Variants in CNTN4 observed in about 807,000 individuals in gnomAD.
CNTN4 encodes contactin 4.
In CNTN4, 77 loss-of-function variants were observed where a neutral mutation model predicts 122.5. The observed-to-expected ratio is 0.63, with a 90% CI of 0.52 to 0.76. The LOEUF (loss-of-function observed/expected upper bound fraction) is 0.76, where lower values mean the gene tolerates loss of function less well. Ranked by LOEUF, CNTN4 falls within the 30% of genes least tolerant of loss-of-function variation. The pLI is 0.00. For missense variants in CNTN4, 1,256 were observed against 1,259.1 expected (o/e 1.00, Z 0.04); for synonymous variants, 512 against 447.0 (o/e 1.15, Z -1.83).
intron 13 of CNTN4, among the ~76,000 whole-genome samples, chr3:2,928,614 T>G (rs1243652042): frequency 6.6e-6 from 1 of 152,208 alleles, no homozygotes; most frequent in Admixed American, 6.5e-5. Flanking sequence ...AAGGCAAGTC[T>G]TTAACCTTTG....
At chr3:2,612,171 G>A (rs183484955) in intron 4 of CNTN4, among the ~76,000 whole-genome samples, 106 of 151,502 alleles carry the variant, frequency 7.0e-4, no homozygotes, top group African/African-American at 2.4e-3. Context: ...ACTTACAATA[G>A]GGTTACATCC....
intron 13 of CNTN4, among the ~76,000 whole-genome samples, chr3:2,946,925 C>G (rs2094685230): frequency 6.6e-6 from 1 of 152,014 alleles, no homozygotes; most frequent in Non-Finnish European, 1.5e-5. Flanking sequence ...AGGCTGGTCT[C>G]AAACTCCCGG....
chr3:2,913,324 A>T (rs1472404334), intron 12 of CNTN4, among the ~76,000 whole-genome samples: 1 of 152,230 alleles, frequency 6.6e-6, no homozygotes, highest in Non-Finnish European at 1.5e-5. Flanking sequence ...AATTATTTTA[A>T]ACATAAATTG....
chr3:3,009,001 T>C, intron 14 of CNTN4: 3 of 985,364 alleles, frequency 3.0e-6, no homozygotes, highest in Non-Finnish European at 3.6e-6. Context: ...AGCGTCTTTC[T>C]TGGTATGATC....
intron 4 of CNTN4, among the ~76,000 whole-genome samples, chr3:2,725,077 A>G (rs754512384): frequency 5.3e-5 from 8 of 152,214 alleles, no homozygotes; most frequent in African/African-American, 1.2e-4. Flanking sequence ...ATATATCCCT[A>G]TGAGCATGGA....
intron 3 of CNTN4, among the ~76,000 whole-genome samples, chr3:2,533,893 C>A (rs1417851532): frequency 2.0e-5 from 3 of 151,760 alleles, no homozygotes; most frequent in South Asian, 2.1e-4. Context: ...TGTCTGTTGG[C>A]TGCACAAATG....
chr3:2,124,473 C>CA (rs1553570119), intron 2 of CNTN4, among the ~76,000 whole-genome samples: 21,807 of 147,094 alleles, frequency 0.15, 1,813 homozygotes, highest in South Asian at 0.36. Flanking sequence ...CACACACACA[C>CA]CCCCTTAAGC....
At position 2,149,272 on chromosome 3, in the gene CNTN4, C is replaced by T. The variant is rs182772611; in HGVS notation, c.-145+48633C>T. On this transcript the variant is annotated intron_variant, in intron 2 of 24. Transcript: ENST00000418658. ...ATATTGTAGAAATCCCGTGACCATACGCAGTGGTTTTTATTTTGTTCTAAG... is the reference window on the plus strand; with the variant it reads ...ATATTGTAGAAATCCCGTGACCATATGCAGTGGTTTTTATTTTGTTCTAAG... Among the ~76,000 whole-genome samples the T allele has an allele frequency of 1.9e-3, 283 of 152,210 alleles. 1 individual carries two copies. The highest frequency in any genetic ancestry group is 6.6e-3 in the African/African-American group (273 of 41,522).
chr3:2,116,124 C>A (rs1056402024), intron 2 of CNTN4, among the ~76,000 whole-genome samples: 5 of 152,156 alleles, frequency 3.3e-5, no homozygotes, highest in African/African-American at 1.2e-4. Flanking sequence ...ATAGCCATCA[C>A]CACTAAAGTC....
At chr3:2,166,071 A>T (rs183548085) in intron 2 of CNTN4, among the ~76,000 whole-genome samples, 8 of 152,278 alleles carry the variant, frequency 5.3e-5, no homozygotes. Flanking sequence ...TATACCCAGA[A>T]GTGGAATTGC....
chr3:2,616,761 G>A lies in CNTN4; in HGVS notation c.55+45203G>A, dbSNP rs528052958. Among the ~76,000 whole-genome samples, 163 of 152,140 alleles carry A rather than the reference G, an allele frequency of 1.1e-3. 1 individual carries two copies. The highest frequency in any genetic ancestry group is 3.0e-3 in the African/African-American group (123 of 41,506). On this transcript the variant is annotated intron_variant, in intron 4 of 24. Transcript: ENST00000418658. ...AACTATACTACAAAGCTACAGTAAC[G>A]AAAACAGCATGGTACTGGTAGCAAA...
intron 6 of CNTN4, among the ~76,000 whole-genome samples, chr3:2,818,036 A>G (rs2092778158): frequency 6.6e-6 from 1 of 152,144 alleles, no homozygotes; most frequent in East Asian, 1.9e-4. Context: ...TGTGTCCTTC[A>G]TGTTCACTTT....
At chr3:2,317,987 T>C (rs2043163448) in intron 2 of CNTN4, among the ~76,000 whole-genome samples, 1 of 152,210 alleles carries the variant, frequency 6.6e-6, no homozygotes, top group South Asian at 2.1e-4. Context: ...TTTGTATTTC[T>C]TTAGATTTAA....
chr3:2,697,993 A>G (rs552567180), intron 4 of CNTN4, among the ~76,000 whole-genome samples: 13 of 152,304 alleles, frequency 8.5e-5, no homozygotes, highest in African/African-American at 2.6e-4. Flanking sequence ...ACACCTTGTA[A>G]CATTCATCCG....
At chr3:2,804,646 T>C (rs895121884) in intron 6 of CNTN4, among the ~76,000 whole-genome samples, 3 of 152,162 alleles carry the variant, frequency 2.0e-5, no homozygotes, top group African/African-American at 7.2e-5. Context: ...GTGTGAGCAT[T>C]GCTCTTCTAT....
intron 3 of CNTN4, among the ~76,000 whole-genome samples, chr3:2,520,259 C>CT (rs397988483): frequency 0.03 from 2,217 of 74,398 alleles, 316 homozygotes; most frequent in African/African-American, 0.058. Context: ...TGATTGCTTC[C>CT]TTTTTTTTTT....
intron 13 of CNTN4, among the ~76,000 whole-genome samples, chr3:2,941,372 G>T (rs1031232846): frequency 3.0e-4 from 45 of 152,082 alleles, no homozygotes; most frequent in African/African-American, 1.1e-3. Flanking sequence ...TGTGTCTTCA[G>T]TACAGGATTC....
chr3:2,669,569 C>T (rs7427799), intron 4 of CNTN4, among the ~76,000 whole-genome samples: 2,548 of 151,862 alleles, frequency 0.017, 90 homozygotes, highest in African/African-American at 0.058. Flanking sequence ...TTTTTTTGAA[C>T]GGTTTTTTGT....
At chr3:2,943,625 TA>T (rs1234014848) in intron 13 of CNTN4, among the ~76,000 whole-genome samples, 9,625 of 77,396 alleles carry the variant, frequency 0.12, 401 homozygotes, top group Middle Eastern at 0.2. Context: ...TATATATATA[TA>T]TATATTTTTT....
Sources: allele counts gnomAD v4.1 joint callset (sites outside exome capture counted in the v4.1 genomes callset), GRCh38; gene constraint gnomAD v4.1.1; transcripts MANE v1.5; gene names NCBI Gene and HGNC (gene_info 2026-07-23, HGNC 2026-07-21).